The following CATSPERD variants were observed in gnomAD, a reference collection of about 807,000 sequenced individuals.
The protein encoded by CATSPERD is cation channel sperm-associated auxiliary subunit delta.
A neutral mutation model predicts 98.1 loss-of-function variants in CATSPERD; 86 were observed. The observed-to-expected ratio is 0.88, with a 90% CI of 0.74 to 1.05. The LOEUF (loss-of-function observed/expected upper bound fraction) is 1.05, where lower values mean the gene tolerates loss of function less well. Among genes scored for constraint, CATSPERD ranks in the 50% least tolerant of loss-of-function variants. The pLI is 0.00. For missense variants in CATSPERD, 995 were observed against 1,005.7 expected, an observed-to-expected ratio of 0.99 and a Z score of 0.14; for synonymous variants, 394 against 390.2, an observed-to-expected ratio of 1.01 and a Z score of -0.12.
chr19:5,775,111 T>C (rs1393899781), intron 20 of CATSPERD: 1 of 364,492 alleles, frequency 2.7e-6, no homozygotes, highest in Non-Finnish European at 5.7e-6. Flanking sequence ...AAAGCAGGCA[T>C]GTGGCAGACT....
intron 5 of CATSPERD, among the ~76,000 whole-genome samples, chr19:5,735,526 G>A (rs1212212700): frequency 7.0e-6 from 1 of 143,202 alleles, no homozygotes; most frequent in East Asian, 2.1e-4. Flanking sequence ...AGGATGGAGT[G>A]CAGTGGCACA....
Position 5,770,966 on chromosome 19 carries a change from C to A in CATSPERD, c.1657C>A (p.Gln553Lys). ...IEKEFYDPGF[Q>K]GQQSSEDLHV... ...AAGGGAATTCTACGACCCCGGCTTCCAGGGGCAGCAGTCCTCCGAGGACCT... is the reference window on the plus strand; with the variant it reads ...AAGGGAATTCTACGACCCCGGCTTCAAGGGGCAGCAGTCCTCCGAGGACCT... Residue 553 changes from glutamine to lysine, a missense_variant, in exon 19 of 22, where the codon CAG becomes AAG. By Grantham distance (53) the Gln-to-Lys change is moderately conservative. Transcript: ENST00000381624. The A allele has an allele frequency of 6.2e-7, 1 of 1,611,534 alleles. No individual in the cohort carries two copies. The highest frequency in any genetic ancestry group is 8.5e-7 in the Non-Finnish European group (1 of 1,179,074).
intron 7 of CATSPERD, among the ~76,000 whole-genome samples, chr19:5,740,758 G>A (rs1164449887): frequency 9.4e-5 from 10 of 106,462 alleles, no homozygotes; most frequent in East Asian, 2.9e-4. Context: ...GAGAAACTCC[G>A]TCTCAAAAAA....
At chr19:5,748,113 C>T in intron 9 of CATSPERD, 47 bp from the exon 10 acceptor site, 3 of 1,507,910 alleles carry the variant, frequency 2.0e-6, no homozygotes, top group Non-Finnish European at 2.8e-6. Flanking sequence ...CATCCCCTTT[C>T]CCAGGATGTA....
intron 15 of CATSPERD, among the ~76,000 whole-genome samples, chr19:5,762,058 A>ATATATATATTTTTTTTTT: frequency 1.9e-4 from 2 of 10,438 alleles, no homozygotes; most frequent in African/African-American, 3.3e-4. Context: ...ATATATATAT[A>ATATATATATTTTTTTTTT]TTTTTTTTTT....
intron 21 of CATSPERD, among the ~76,000 whole-genome samples, chr19:5,776,628 G>A (rs1400493208): frequency 1.3e-5 from 2 of 152,144 alleles, no homozygotes; most frequent in African/African-American, 4.8e-5. Context: ...GGCCAGAGCT[G>A]GCTCAAACTG....
At chr19:5,757,537 T>C (rs946146572) in intron 13 of CATSPERD, among the ~76,000 whole-genome samples, 1 of 151,456 alleles carries the variant, frequency 6.6e-6, no homozygotes, top group Non-Finnish European at 1.5e-5. Context: ...CCTCAGGTGA[T>C]CCACCTGCCT....
intron 15 of CATSPERD, among the ~76,000 whole-genome samples, chr19:5,759,786 G>T (rs2056399792): frequency 1.3e-5 from 2 of 150,738 alleles, no homozygotes; most frequent in South Asian, 4.2e-4. Context: ...AGAAGGAAGG[G>T]AGTCCCGGGC....
intron 5 of CATSPERD, among the ~76,000 whole-genome samples, chr19:5,735,656 G>T (rs776873871): frequency 1.3e-5 from 2 of 151,626 alleles, no homozygotes; most frequent in Non-Finnish European, 2.9e-5. Context: ...TATGTTTTTA[G>T]TATAGATGGG....
Position 5,736,024 on chromosome 19 carries a change from G to T in CATSPERD, c.392-1114G>T, listed in dbSNP as rs766350717. 5.1e-4 allele frequency among the ~76,000 whole-genome samples: 77 copies of T among 150,738 alleles called. 1 individual carries two copies. Among genetic ancestry groups the T allele is most frequent in the South Asian group, 4.2e-4 (2 of 4,728 alleles). ...CTTGATCTGACCTCATGATCCGCCC[G>T]CTTCAGCCTCCCAAAGTGCTGGGAT... is the stretch of plus-strand genomic sequence containing the variant. On this transcript the variant is annotated intron_variant, in intron 5 of 21. Coordinates refer to ENST00000381624, the MANE Select transcript of CATSPERD (RefSeq NM_152784.4).
chr19:5,760,917 C>A (rs555940627), intron 15 of CATSPERD, among the ~76,000 whole-genome samples: 2 of 150,018 alleles, frequency 1.3e-5, no homozygotes, highest in African/African-American at 4.9e-5. Flanking sequence ...TGACCCTGGG[C>A]GACAGAGCGA....
At chr19:5,741,411 G>A (rs1476239658) in intron 7 of CATSPERD, among the ~76,000 whole-genome samples, 3 of 152,094 alleles carry the variant, frequency 2.0e-5, no homozygotes, top group African/African-American at 7.2e-5. Flanking sequence ...TTGTTTTCTG[G>A]TGAAGGCTGC....
chr19:5,758,151 C>T (rs1325691971), intron 14 of CATSPERD, among the ~76,000 whole-genome samples: 1 of 152,074 alleles, frequency 6.6e-6, no homozygotes, highest in East Asian at 1.9e-4. Flanking sequence ...GGAGCCTAAC[C>T]CAGCCCGGGG....
intron 20 of CATSPERD, chr19:5,775,290 G>C: frequency 2.1e-6 from 1 of 471,434 alleles, no homozygotes; most frequent in Non-Finnish European, 4.4e-6. Context: ...CCCGCTTCTA[G>C]TGAGTAAAGG....
At chr19:5,753,994 G>T in intron 12 of CATSPERD, 138 bp from the exon 13 acceptor site, 1 of 670,672 alleles carries the variant, frequency 1.5e-6, no homozygotes, top group Non-Finnish European at 2.7e-6. Flanking sequence ...GAAATACAGA[G>T]TCTAGTGGGG....
At chr19:5,749,046 C>A in intron 10 of CATSPERD, 55 bp from the exon 11 acceptor site, 2 of 1,481,862 alleles carry the variant, frequency 1.3e-6, no homozygotes, top group South Asian at 1.1e-5. Context: ...ATGTTTTTGT[C>A]CACAGAAATG....
chr19:5,771,617 C>T (rs574899391), intron 19 of CATSPERD, among the ~76,000 whole-genome samples: 25 of 150,226 alleles, frequency 1.7e-4, no homozygotes, highest in African/African-American at 6.2e-4. Context: ...GTCACCCAGG[C>T]TGGAGTGCAA....
chr19:5,735,296 C>T (rs1444476090), intron 5 of CATSPERD, among the ~76,000 whole-genome samples: 1 of 151,888 alleles, frequency 6.6e-6, no homozygotes, highest in Non-Finnish European at 1.5e-5. Context: ...CGCCACCACG[C>T]CTGGCTAATT....
At chr19:5,721,272 G>A (rs1443057016) in intron 1 of CATSPERD, among the ~76,000 whole-genome samples, 1 of 152,058 alleles carries the variant, frequency 6.6e-6, no homozygotes, top group Non-Finnish European at 1.5e-5. Context: ...AAAGTGCTGG[G>A]ATTACAGGCG....
Sources: allele counts gnomAD v4.1 joint callset (sites outside exome capture counted in the v4.1 genomes callset), GRCh38; gene constraint gnomAD v4.1.1; transcripts MANE v1.5; gene names NCBI Gene and HGNC (gene_info 2026-07-23, HGNC 2026-07-21).